Variants in INPP4A observed in about 807,000 individuals in gnomAD.
The protein encoded by INPP4A is inositol polyphosphate-4-phosphatase type I A.
In INPP4A, 33 loss-of-function variants were observed where a neutral mutation model predicts 119.8. The observed-to-expected ratio is 0.28, with a 90% confidence interval of 0.21 to 0.37. The LOEUF (loss-of-function observed/expected upper bound fraction) is 0.37, where lower values mean the gene tolerates loss of function less well. Ranked by LOEUF, INPP4A falls within the 10% of genes least tolerant of loss-of-function variation. The pLI, the probability that INPP4A is intolerant of heterozygous loss-of-function variation, is 1.00. For synonymous variants in INPP4A, 496 were observed against 500.7 expected (o/e 0.99, Z 0.12); for missense variants, 956 against 1,289.9 (o/e 0.74, Z 3.97).
chr2:98,507,953 A>G (rs1443664341), intron 1 of INPP4A, among the ~76,000 whole-genome samples: 2 of 152,118 alleles, frequency 1.3e-5, no homozygotes, highest in Non-Finnish European at 2.9e-5. Context: ...CCATGATGGC[A>G]TCGTCACTGC....
chr2:98,515,112 C>G (rs1471422009), intron 1 of INPP4A, among the ~76,000 whole-genome samples: 2 of 152,136 alleles, frequency 1.3e-5, no homozygotes, highest in Non-Finnish European at 2.9e-5. Context: ...TTTGCAGTAT[C>G]CTTCCTGTCT....
intron 1 of INPP4A, among the ~76,000 whole-genome samples, chr2:98,454,197 C>T (rs1695696407): frequency 6.6e-6 from 1 of 152,162 alleles, no homozygotes. Flanking sequence ...AGAGAGTCTC[C>T]TTGTTTGGGG....
chr2:98,527,139 C>T (rs1439017702), intron 4 of INPP4A, among the ~76,000 whole-genome samples: 2 of 152,124 alleles, frequency 1.3e-5, no homozygotes, highest in African/African-American at 4.8e-5. Flanking sequence ...TCTCTAGCTC[C>T]AAGTAGACTT....
rs1185952069 is a variant in INPP4A at position 98,577,163 on chromosome 2, C to T, written c.2786+20C>T. ...GCGCAGGTGAGTGCCGCAGCCAGGC[C>T]GCGCGCCCCGCCTGCCCCGGCCCGT... On this transcript the variant is annotated intron_variant, in intron 24 of 24. Transcript: ENST00000409851. 8.9e-6 allele frequency: 14 copies of T among 1,569,470 alleles called. No homozygotes were observed. Among genetic ancestry groups the T allele is most frequent in the Non-Finnish European group, 1.2e-5 (14 of 1,155,122 alleles).
At chr2:98,563,660 G>A (rs1695898395) in intron 18 of INPP4A, 23 bp downstream of exon 18, 1 of 1,609,316 alleles carries the variant, frequency 6.2e-7, no homozygotes, top group African/African-American at 1.3e-5. Flanking sequence ...AGCACCCCGA[G>A]GGAGACCACG....
At chr2:98,578,193 C>CT (rs1430851684) in intron 24 of INPP4A, among the ~76,000 whole-genome samples, 2 of 152,278 alleles carry the variant, frequency 1.3e-5, no homozygotes, top group East Asian at 3.9e-4. Flanking sequence ...TCTGGGGCGC[C>CT]TTTTTAAAAT....
Position 98,519,950 on chromosome 2 carries a change from A to T in INPP4A, c.-99A>T. 2.3e-6 allele frequency: 2 copies of T among 861,052 alleles called. No homozygotes were observed. The highest frequency in any genetic ancestry group is 3.8e-6 in the Non-Finnish European group (2 of 519,642). The allele number at this position is 861,052 out of a possible 1,614,324, so 53.3% of individuals were successfully genotyped here. A position where few individuals can be genotyped will look rare whatever the true frequency, so the allele number is the denominator to read the frequency against. On this transcript the variant is annotated 5_prime_UTR_variant, in exon 3 of 25. Coordinates refer to ENST00000409851, the MANE Select transcript of INPP4A (RefSeq NM_001134225.2). Reference sequence around the variant, plus strand: ...TACAAGTGCTCCTTTTCTCAGGGCTACTGCCACTTTAGTGGACTAGGGCTC... The same window carrying T: ...TACAAGTGCTCCTTTTCTCAGGGCTTCTGCCACTTTAGTGGACTAGGGCTC...
intron 24 of INPP4A, among the ~76,000 whole-genome samples, chr2:98,585,728 T>C (rs965597531): frequency 6.6e-6 from 1 of 152,256 alleles, no homozygotes; most frequent in South Asian, 2.1e-4. Context: ...TACAATTTGA[T>C]TTGAAAACTA....
intron 24 of INPP4A, among the ~76,000 whole-genome samples, chr2:98,585,270 G>A (rs1379620128): frequency 1.3e-5 from 2 of 152,170 alleles, no homozygotes; most frequent in African/African-American, 4.8e-5. Context: ...CTGCAGATGA[G>A]TTCTCAAGTG....
chr2:98,580,490 T>A lies in INPP4A; in HGVS notation c.2786+3347T>A, dbSNP rs376079780. Reference sequence around the variant, plus strand: ...ATTCACACATTTGGCCACTGGGGTGTTCCTGTCCCCAGTCCTGGGGCTGAA... The same window carrying A: ...ATTCACACATTTGGCCACTGGGGTGATCCTGTCCCCAGTCCTGGGGCTGAA... On this transcript the variant is annotated intron_variant, in intron 24 of 24. Transcript: ENST00000409851. Among the ~76,000 whole-genome samples, 610 of 152,348 alleles carry A rather than the reference T, an allele frequency of 4.0e-3. 4 individuals are homozygous for A. Among genetic ancestry groups the A allele is most frequent in the African/African-American group, 0.014 (573 of 41,576 alleles).
At position 98,594,211 on chromosome 2, in the gene INPP4A, A is replaced by T. The variant is rs1315970195; in HGVS notation, c.*6603A>T. On this transcript the variant is annotated 3_prime_UTR_variant, in exon 25 of 25. Coordinates refer to ENST00000409851, the MANE Select transcript of INPP4A (RefSeq NM_001134225.2). ...AGAAGGCAAATGGCAGAGTGTGGTAAAGGGGCGAGTGAGAGGGTCTCTGAA... is the reference window on the plus strand; with the variant it reads ...AGAAGGCAAATGGCAGAGTGTGGTATAGGGGCGAGTGAGAGGGTCTCTGAA... The T allele has an allele frequency of 6.6e-6, 1 of 152,236 alleles. No individual in the cohort carries two copies. Among genetic ancestry groups the T allele is most frequent in the African/African-American group, 2.4e-5 (1 of 41,460 alleles). 9.4% of individuals were successfully genotyped at this position (152,236 alleles called of 1,614,324 possible). A position where few individuals can be genotyped will look rare whatever the true frequency, so the allele number is the denominator to read the frequency against.
intron 1 of INPP4A, among the ~76,000 whole-genome samples, chr2:98,470,825 G>A (rs1471290095): frequency 6.6e-6 from 1 of 151,940 alleles, no homozygotes; most frequent in African/African-American, 2.4e-5. Flanking sequence ...GCACCACCAC[G>A]CCCGGCTAAT....
chr2:98,537,939 C>T lies in INPP4A; in HGVS notation c.544C>T (p.Pro182Ser). 1 of 1,612,766 alleles carries T rather than the reference C, an allele frequency of 6.2e-7. No individual in the cohort carries two copies. The highest frequency in any genetic ancestry group is 8.5e-7 in the Non-Finnish European group (1 of 1,179,368). Reference sequence around the variant, plus strand: ...GGAGGAGAAGTCAGACCAACGGCCCCCTGTGACCCGGTCTGTGGACACTGT... The same window carrying T: ...GGAGGAGAAGTCAGACCAACGGCCCTCTGTGACCCGGTCTGTGGACACTGT... ...QMEEKSDQRP[P>S]VTRSVDTVNG... The change falls in exon 8 of 25, where the codon CCT (proline) becomes TCT (serine). Residue 182 changes from proline to serine, a missense_variant. Around this residue, in one of 2 missense-constraint regions of INPP4A, gnomAD observed 652 missense variants for 797.9 expected, o/e 0.82. Transcript: ENST00000409851.
At position 98,552,814 on chromosome 2, in the gene INPP4A, T is replaced by C; in HGVS notation, c.1192T>C (p.Tyr398His). Residue 398 changes from tyrosine to histidine, a missense_variant, in exon 14 of 25, where the codon TAC becomes CAC. Physicochemically the swap from Tyr to His is moderately conservative, Grantham distance 83 (BLOSUM62 2). Around this residue, in one of 2 missense-constraint regions of INPP4A, gnomAD observed 652 missense variants for 797.9 expected, o/e 0.82. Coordinates refer to ENST00000409851, the MANE Select transcript of INPP4A (RefSeq NM_001134225.2). ...HTSSGCQSII[Y>H]IPQDVVRAKE... is the part of the protein sequence containing the mutation. Reference sequence around the variant, plus strand: ...ATCATCTGGCTGCCAGTCCATAATCTACATACCCCAGGATGTTGTCAGAGC... The same window carrying C: ...ATCATCTGGCTGCCAGTCCATAATCCACATACCCCAGGATGTTGTCAGAGC... The C allele has an allele frequency of 1.9e-6, 3 of 1,613,700 alleles. No individual in the cohort carries two copies. The highest frequency in any genetic ancestry group is 2.5e-6 in the Non-Finnish European group (3 of 1,179,662).
Position 98,559,475 on chromosome 2 carries a change from C to T in INPP4A, c.1835C>T (p.Pro612Leu), listed in dbSNP as rs1363209332. The T allele has an allele frequency of 1.2e-6, 2 of 1,614,058 alleles. No individual in the cohort carries two copies. Among genetic ancestry groups the T allele is most frequent in the Non-Finnish European group, 1.7e-6 (2 of 1,179,906 alleles). Residue 612 changes from proline (P) to leucine (L), a missense_variant, in exon 17 of 25, where the codon CCT becomes CTT. By Grantham distance (98) the Pro-to-Leu change is moderately conservative (BLOSUM62 -3). Around this residue, in one of 2 missense-constraint regions of INPP4A, gnomAD observed 652 missense variants for 797.9 expected, o/e 0.82. Coordinates refer to ENST00000409851, the MANE Select transcript of INPP4A (RefSeq NM_001134225.2). ...CATTTCTGTGCAGATTGCAGTCCCC[C>T]TCCTGAAGAGTCCAGCCCAGGTACG... ...HPHLTTHCSP[P>L]PEESSPGEWS...
At chr2:98,448,078 G>A (rs1694536324) in intron 1 of INPP4A, among the ~76,000 whole-genome samples, 2 of 150,306 alleles carry the variant, frequency 1.3e-5, no homozygotes, top group Non-Finnish European at 3.0e-5. Context: ...AATCATGGCC[G>A]GGCGCAGTGG....
chr2:98,580,525 G>A lies in INPP4A; in HGVS notation c.2786+3382G>A, dbSNP rs749216861. ...CAGTCCTGGGGCTGAACCCCTCGAA[G>A]TAGGCCTTCCTGAGTAGCCACAGGG... On this transcript the variant is annotated intron_variant, in intron 24 of 24. Transcript: ENST00000409851. Among the ~76,000 whole-genome samples, 20 of 152,356 alleles carry A rather than the reference G, an allele frequency of 1.3e-4. 1 individual carries two copies. The South Asian group carries it at 3.5e-3, about 27-fold the overall frequency.
Position 98,563,520 on chromosome 2 carries a change from C to T in INPP4A, c.1911C>T (p.Ala637=). ...TGACCACTCTCACCGACTGCGTGGC[C>T]ATGATGAGTGACAAGGCCAAGAAGG... The part of the protein sequence containing the change: ...PLLTTLTDCV[A]MMSDKAKKAM... The change falls in exon 18 of 25, where the codon GCC becomes GCT. Residue 637 remains alanine (A), a synonymous_variant. Coordinates refer to ENST00000409851, the MANE Select transcript of INPP4A (RefSeq NM_001134225.2). 2.5e-6 allele frequency: 4 copies of T among 1,613,872 alleles called. No homozygotes were observed. Among genetic ancestry groups the T allele is most frequent in the Non-Finnish European group, 2.5e-6 (3 of 1,179,840 alleles).
rs556505368 is a variant in INPP4A, at chr2:98,589,619, T to A, written c.*2011T>A. ...AAACTGTAAGACTTGGCAAATGCTA[T>A]AGAAAAGGTTCAGGTTTCAGTATTC... On this transcript the variant is annotated 3_prime_UTR_variant, in exon 25 of 25. Coordinates refer to ENST00000409851, the MANE Select transcript of INPP4A (RefSeq NM_001134225.2). 2 of 179,058 alleles carry A rather than the reference T, an allele frequency of 1.1e-5. No individual in the cohort carries two copies. Among genetic ancestry groups the A allele is most frequent in the Non-Finnish European group, 2.4e-5 (2 of 83,532 alleles). The allele number at this position is 179,058 out of a possible 1,614,324, so 11.1% of individuals were successfully genotyped here.
Sources: allele counts gnomAD v4.1 joint callset (sites outside exome capture counted in the v4.1 genomes callset), GRCh38; gene constraint gnomAD v4.1.1; regional missense constraint gnomAD v4.1.1; transcripts MANE v1.5; gene names NCBI Gene and HGNC (gene_info 2026-07-23, HGNC 2026-07-21).